Variants in PCDHGB3 observed in about 807,000 individuals in gnomAD.
PCDHGB3 encodes the protein protocadherin gamma subfamily B, 3.
Under a neutral mutation model 59.2 loss-of-function variants are expected in PCDHGB3, and 40 were observed. That is an observed-to-expected ratio of 0.68 (90% confidence interval 0.52 to 0.88). The LOEUF (loss-of-function observed/expected upper bound fraction) is 0.88, where lower values mean the gene tolerates loss of function less well. Among genes scored for constraint, PCDHGB3 ranks in the 40% least tolerant of loss-of-function variants. PCDHGB3 has a pLI of 0.00. For missense variants in PCDHGB3, 1,309 were observed against 1,187.9 expected (o/e 1.10, Z -1.50); for synonymous variants, 581 against 503.6 (o/e 1.15, Z -2.06).
In PCDHGB3 at chr5:141,432,931, G is replaced by A. The variant is rs2097550450; in HGVS notation, c.2415+60122G>A. The A allele has an allele frequency of 6.2e-7, 1 of 1,614,198 alleles. No individual in the cohort carries two copies. The highest frequency in any genetic ancestry group is 2.2e-5 in the East Asian group (1 of 44,864). Reference sequence around the variant, plus strand: ...TGCGGCGCTGGCACAAGTCACGCCTGCTGCAGGCTTCAGGAGGCGGCTTGA... The same window carrying A: ...TGCGGCGCTGGCACAAGTCACGCCTACTGCAGGCTTCAGGAGGCGGCTTGA... On this transcript the variant is annotated intron_variant, in intron 1 of 3. Transcript: ENST00000576222. The surrounding 1 kb of genome is among the most constrained non-coding windows in gnomAD (Gnocchi z 6.0).
chr5:141,398,945 T>G, intron 1 of PCDHGB3: 3 of 1,613,974 alleles, frequency 1.9e-6, no homozygotes, highest in Non-Finnish European at 2.5e-6. Context: ...GACGAGGGCA[T>G]CAACTCAGAA....
chr5:141,436,840 C>T (rs1195342311), intron 1 of PCDHGB3, among the ~76,000 whole-genome samples: 1 of 152,220 alleles, frequency 6.6e-6, no homozygotes, highest in Admixed American at 6.5e-5. Flanking sequence ...TGCCTAGGCA[C>T]ATTCTTGATT....
chr5:141,492,005 C>T (rs1444993907), intron 1 of PCDHGB3: 2 of 642,268 alleles, frequency 3.1e-6, no homozygotes, highest in Admixed American at 7.4e-5. Flanking sequence ...GGGCGATTTC[C>T]GCGGGTGTCG....
chr5:141,418,157 A>G, intron 1 of PCDHGB3: 1 of 1,614,074 alleles, frequency 6.2e-7, no homozygotes, highest in Non-Finnish European at 8.5e-7. Context: ...CAAAGAGAGA[A>G]GAAGATGTGA....
chr5:141,462,657 T>G (rs949098251), intron 1 of PCDHGB3, among the ~76,000 whole-genome samples: 1 of 152,164 alleles, frequency 6.6e-6, no homozygotes, highest in East Asian at 1.9e-4. Flanking sequence ...TCCTCAATTA[T>G]CTTCATATTT....
chr5:141,477,275 G>C lies in PCDHGB3; in HGVS notation c.2416-17532G>C, dbSNP rs1241603826. On this transcript the variant is annotated intron_variant, in intron 1 of 3. Transcript: ENST00000576222. This position sits in a 1 kb window ranked among gnomAD's most constrained non-coding sequence, Gnocchi z 4.9. ...CCTGGATGCTGGCGAGAACGGGCTG[G>C]TGACCTGCGAAGTTCCACCGGGTCT... The C allele has an allele frequency of 2.5e-6, 4 of 1,614,198 alleles. No individual in the cohort carries two copies. The South Asian group carries it at 4.4e-5, about 18-fold the overall frequency.
chr5:141,491,598 C>T lies in PCDHGB3; in HGVS notation c.2416-3209C>T, dbSNP rs1410472886. On this transcript the variant is annotated intron_variant, in intron 1 of 3. Transcript: ENST00000576222. This position sits in a 1 kb window ranked among gnomAD's most constrained non-coding sequence, Gnocchi z 6.9. ...TTTCACCGGCCTCGGACGGCAGTGA[C>T]TTCACTTTTCTAAGACCCCTCAGCG... 1.4e-5 allele frequency: 22 copies of T among 1,613,872 alleles called. No homozygotes were observed. The highest frequency in any genetic ancestry group is 1.8e-5 in the Non-Finnish European group (21 of 1,180,048).
rs1178101439 is a variant in PCDHGB3, at chr5:141,443,790, T to C, written c.2416-51017T>C. On this transcript the variant is annotated intron_variant, in intron 1 of 3. Coordinates refer to ENST00000576222, the MANE Select transcript of PCDHGB3 (RefSeq NM_018924.5). Reference sequence around the variant, plus strand: ...AATATTACCAAAAAGACAAAAAAAATGAAAAGGAAACAGTTACCTTTGGAA... The same window carrying C: ...AATATTACCAAAAAGACAAAAAAAACGAAAAGGAAACAGTTACCTTTGGAA... Among the ~76,000 whole-genome samples, 6 of 151,950 alleles carry C rather than the reference T, an allele frequency of 3.9e-5. No homozygotes were observed. The East Asian group carries it at 1.2e-3, about 29-fold the overall frequency.
intron 1 of PCDHGB3, chr5:141,403,237 CTG>C (rs1436614562): frequency 1.2e-6 from 2 of 1,613,942 alleles, no homozygotes; most frequent in Admixed American, 1.7e-5. Flanking sequence ...GGGAGGAGCT[CTG>C]TGCTCAGAGC....
chr5:141,398,781 A>G, intron 1 of PCDHGB3: 1 of 1,613,934 alleles, frequency 6.2e-7, no homozygotes, highest in South Asian at 1.1e-5. Flanking sequence ...TGGACGGTGG[A>G]CATCCACCCC....
intron 1 of PCDHGB3, chr5:141,399,431 T>A (rs757950073): frequency 3.1e-6 from 5 of 1,613,970 alleles, no homozygotes; most frequent in Admixed American, 3.3e-5. Context: ...ATAAGCGTCA[T>A]CCTACATATC....
At position 141,431,578 on chromosome 5, in the gene PCDHGB3, C is replaced by T. The variant is rs756332070; in HGVS notation, c.2415+58769C>T. 6.2e-7 allele frequency: 1 copy of T among 1,614,164 alleles called. No homozygotes were observed. On this transcript the variant is annotated intron_variant, in intron 1 of 3. Coordinates refer to ENST00000576222, the MANE Select transcript of PCDHGB3 (RefSeq NM_018924.5). This position sits in a 1 kb window ranked among gnomAD's most constrained non-coding sequence, Gnocchi z 4.8. ...ACGCTACCGACCCTGACGAAGGAGT[C>T]AATGCGGAAGTGAGGTATTCCTTCC...
chr5:141,404,929 G>A (rs766845913), intron 1 of PCDHGB3: 46 of 1,613,744 alleles, frequency 2.9e-5, no homozygotes, highest in Admixed American at 2.3e-4. Flanking sequence ...CCACTGTCAC[G>A]CTCACAGTAG....
At chr5:141,459,149 T>C (rs2098961903) in intron 1 of PCDHGB3, among the ~76,000 whole-genome samples, 1 of 152,234 alleles carries the variant, frequency 6.6e-6, no homozygotes, top group Non-Finnish European at 1.5e-5. Context: ...AATCAAAATA[T>C]AGAACATTTC....
At position 141,491,150 on chromosome 5, in the gene PCDHGB3, A is replaced by G; in HGVS notation, c.2416-3657A>G. On this transcript the variant is annotated intron_variant, in intron 1 of 3. Coordinates refer to ENST00000576222, the MANE Select transcript of PCDHGB3 (RefSeq NM_018924.5). This position sits in a 1 kb window ranked among gnomAD's most constrained non-coding sequence, Gnocchi z 6.9. ...CGCACAGCCCGGGCCTTACTGGAGG[A>G]TGACTCTGACACCCAGCAGGTGGTG... is the stretch of plus-strand genomic sequence containing the variant. 1 of 1,614,122 alleles carries G rather than the reference A, an allele frequency of 6.2e-7. No individual in the cohort carries two copies. Among genetic ancestry groups the G allele is most frequent in the African/African-American group, 1.3e-5 (1 of 75,060 alleles).
chr5:141,414,776 T>G (rs766689016), intron 1 of PCDHGB3: 14 of 1,614,212 alleles, frequency 8.7e-6, no homozygotes, highest in Non-Finnish European at 1.1e-5. Context: ...GAGCTACAGA[T>G]GCAGGTGACA....
chr5:141,502,784 G>C (rs185608958), intron 2 of PCDHGB3, among the ~76,000 whole-genome samples: 1 of 151,804 alleles, frequency 6.6e-6, no homozygotes, highest in Non-Finnish European at 1.5e-5. Flanking sequence ...AAATTACCTG[G>C]ATGATTTCTT....
intron 1 of PCDHGB3, chr5:141,422,304 A>G: frequency 6.5e-7 from 1 of 1,548,524 alleles, no homozygotes; most frequent in Non-Finnish European, 8.7e-7. Context: ...CAATTCTGGA[A>G]AACTCTCCTC....
rs765809429 is a variant in PCDHGB3 at position 141,511,205 on chromosome 5, C to A, written c.*32C>A. On this transcript the variant is annotated 3_prime_UTR_variant, in exon 4 of 4. Coordinates refer to ENST00000576222, the MANE Select transcript of PCDHGB3 (RefSeq NM_018924.5). ...GGCCAGGCCAAGAGCCACAGGGCGGCCTCTCCCCAACCAGCCCAGCTTCTC... is the reference window on the plus strand; with the variant it reads ...GGCCAGGCCAAGAGCCACAGGGCGGACTCTCCCCAACCAGCCCAGCTTCTC... 4.3e-6 allele frequency: 7 copies of A among 1,611,426 alleles called. No homozygotes were observed. The Admixed American group carries it at 6.7e-5, about 15-fold the overall frequency.
Sources: allele counts gnomAD v4.1 joint callset (sites outside exome capture counted in the v4.1 genomes callset), GRCh38; gene constraint gnomAD v4.1.1; non-coding constraint Gnocchi (gnomAD v3.1); transcripts MANE v1.5; gene names NCBI Gene and HGNC (gene_info 2026-07-23, HGNC 2026-07-21).